RHOJ: variants seen among roughly 807,000 people sequenced by gnomAD.
RHOJ encodes ras homolog family member J.
RHOJ carries 11 observed loss-of-function variants against 23.4 expected under a neutral mutation model. The ratio of observed to expected loss-of-function variants is 0.47; its 90% CI spans 0.30 to 0.78. The LOEUF is 0.78. Ranked by LOEUF, RHOJ falls within the 30% of genes least tolerant of loss-of-function variation. The pLI, the probability that RHOJ is intolerant of heterozygous loss-of-function variation, is 0.08. For missense variants in RHOJ, 254 were observed against 273.4 expected, an observed-to-expected ratio of 0.93 and a Z score of 0.50; for synonymous variants, 102 against 102.7, an observed-to-expected ratio of 0.99 and a Z score of 0.04.
intron 1 of RHOJ, among the ~76,000 whole-genome samples, chr14:63,211,112 A>T (rs993978560): frequency 1.3e-5 from 2 of 152,216 alleles, no homozygotes; most frequent in African/African-American, 4.8e-5. Context: ...CCACTTAGTT[A>T]AATGGTGATC....
intron 1 of RHOJ, among the ~76,000 whole-genome samples, chr14:63,229,108 C>T (rs1894645350): frequency 6.6e-6 from 1 of 152,132 alleles, no homozygotes; most frequent in African/African-American, 2.4e-5. Context: ...AAATGCTCGT[C>T]AAGAAAAAGT....
intron 3 of RHOJ, among the ~76,000 whole-genome samples, chr14:63,281,461 A>G (rs1022637657): frequency 6.6e-6 from 1 of 152,068 alleles, no homozygotes; most frequent in Non-Finnish European, 1.5e-5. Context: ...TCAATTGAAC[A>G]TATTATCTAG....
chr14:63,212,385 A>C (rs1475270651), intron 1 of RHOJ, among the ~76,000 whole-genome samples: 1 of 152,142 alleles, frequency 6.6e-6, no homozygotes, highest in Non-Finnish European at 1.5e-5. Context: ...ATTTTTTCCC[A>C]CATGTAAAAA....
In RHOJ at chr14:63,204,864, G is replaced by T. The variant is rs766379460; in HGVS notation, c.-6G>T. 1.9e-6 allele frequency: 3 copies of T among 1,609,736 alleles called. No homozygotes were observed. The highest frequency in any genetic ancestry group is 3.4e-5 in the Admixed American group (2 of 59,210). ...GCAGGAGTCCCCAGCAGCTGGAGCC[G>T]CAAGAATGAACTGCAAAGAGGGAAC... On this transcript the variant is annotated 5_prime_UTR_variant, in exon 1 of 5. Transcript: ENST00000316754.
At chr14:63,239,016 GC>G (rs1310199061) in intron 1 of RHOJ, among the ~76,000 whole-genome samples, 1 of 152,150 alleles carries the variant, frequency 6.6e-6, no homozygotes, top group African/African-American at 2.4e-5. Flanking sequence ...GAAAGTGGGG[GC>G]CCAACTTAGC....
At chr14:63,229,716 T>C (rs1240204342) in intron 1 of RHOJ, among the ~76,000 whole-genome samples, 1 of 152,184 alleles carries the variant, frequency 6.6e-6, no homozygotes, top group Admixed American at 6.5e-5. Flanking sequence ...TAGAGAAGAC[T>C]CTCTGCTTTT....
At chr14:63,241,262 C>T (rs1412065214) in intron 1 of RHOJ, among the ~76,000 whole-genome samples, 2 of 152,208 alleles carry the variant, frequency 1.3e-5, no homozygotes, top group Non-Finnish European at 2.9e-5. Flanking sequence ...TATTGACCAT[C>T]TGTCCTCTAA....
intron 1 of RHOJ, among the ~76,000 whole-genome samples, chr14:63,265,955 T>C (rs1895358754): frequency 6.6e-6 from 1 of 152,116 alleles, no homozygotes; most frequent in South Asian, 2.1e-4. Context: ...ATATAATATA[T>C]AGGTAGATAG....
chr14:63,228,293 T>G (rs1289973751), intron 1 of RHOJ, among the ~76,000 whole-genome samples: 1 of 152,204 alleles, frequency 6.6e-6, no homozygotes, highest in Non-Finnish European at 1.5e-5. Context: ...GAGAGCAAAT[T>G]TATCAGAATT....
chr14:63,238,439 C>A (rs951055581), intron 1 of RHOJ, among the ~76,000 whole-genome samples: 4 of 143,862 alleles, frequency 2.8e-5, no homozygotes, highest in African/African-American at 1.2e-4. Flanking sequence ...TTTTTTTAGA[C>A]AGGGTCTGGT....
intron 4 of RHOJ, among the ~76,000 whole-genome samples, 169 bp from the exon 5 acceptor site, chr14:63,290,709 G>C (rs1451033879): frequency 1.4e-5 from 2 of 140,472 alleles, no homozygotes; most frequent in Middle Eastern, 3.5e-3. Context: ...TAGGATAGCA[G>C]ATACAAATTG....
chr14:63,205,270 G>A (rs977017976), intron 1 of RHOJ, among the ~76,000 whole-genome samples: 20 of 152,124 alleles, frequency 1.3e-4, no homozygotes, highest in African/African-American at 4.3e-4. Flanking sequence ...GAATGGCAAC[G>A]CCAGGAAAAT....
chr14:63,276,996 C>T (rs931032452), intron 2 of RHOJ, among the ~76,000 whole-genome samples: 13 of 152,172 alleles, frequency 8.5e-5, no homozygotes, highest in Admixed American at 7.2e-4. Context: ...ATGATCCATC[C>T]TGTGGTCAAA....
intron 1 of RHOJ, among the ~76,000 whole-genome samples, chr14:63,230,692 T>TACAC (rs58916971): frequency 1.2e-3 from 173 of 148,854 alleles, no homozygotes; most frequent in Non-Finnish European, 1.5e-3. Context: ...CACACATATG[T>TACAC]ACACACACAC....
At position 63,204,787 on chromosome 14, in the gene RHOJ, C is replaced by A; in HGVS notation, c.-83C>A. ...AGACAGAGTAAACTCAAGCCTGGCA[C>A]TGGCTTTCTGCCGCTTCATGTGCTT... On this transcript the variant is annotated 5_prime_UTR_variant, in exon 1 of 5. In the 5' UTR this introduces an upstream ATG that the reference lacks. Transcript: ENST00000316754. The A allele has an allele frequency of 7.0e-7, 1 of 1,438,720 alleles. No homozygotes were observed. Among genetic ancestry groups the A allele is most frequent in the South Asian group, 1.2e-5 (1 of 80,504 alleles). The allele number at this position is 1,438,720 out of a possible 1,614,324, so 89.1% of individuals were successfully genotyped here.
At chr14:63,207,455 A>C (rs1472447842) in intron 1 of RHOJ, among the ~76,000 whole-genome samples, 1 of 152,236 alleles carries the variant, frequency 6.6e-6, no homozygotes, top group Non-Finnish European at 1.5e-5. Context: ...GTGAGAATCT[A>C]CAATCAATTG....
intron 2 of RHOJ, among the ~76,000 whole-genome samples, chr14:63,276,119 G>C (rs1881711292): frequency 6.6e-6 from 1 of 152,146 alleles, no homozygotes; most frequent in African/African-American, 2.4e-5. Flanking sequence ...ACAGTCACCT[G>C]TGGTTCTGAA....
chr14:63,254,777 T>C (rs1895133794), intron 1 of RHOJ, among the ~76,000 whole-genome samples: 1 of 151,940 alleles, frequency 6.6e-6, no homozygotes, highest in African/African-American at 2.4e-5. Flanking sequence ...GGTAGACAGA[T>C]GGACAGATGG....
chr14:63,225,557 TA>T (rs1894577711), intron 1 of RHOJ, among the ~76,000 whole-genome samples: 2 of 152,316 alleles, frequency 1.3e-5, no homozygotes, highest in East Asian at 3.9e-4. Flanking sequence ...CATGATTGTA[TA>T]AATCCAGTGT....
Sources: gnomAD v4.1 joint callset for allele counts (sites outside exome capture counted in the v4.1 genomes callset) on GRCh38, gnomAD v4.1.1 for gene constraint, MANE v1.5 for transcripts, NCBI Gene and HGNC (gene_info 2026-07-23, HGNC 2026-07-21) for gene names.